The following ROR2 variants were observed in gnomAD, a reference collection of about 807,000 sequenced individuals.
ROR2 encodes the protein tyrosine-protein kinase transmembrane receptor ROR2.
Under a neutral mutation model 74.9 loss-of-function variants are expected in ROR2, and 33 were observed. The observed-to-expected ratio is 0.44, with a 90% CI of 0.33 to 0.59. The LOEUF is 0.59. ROR2 is among the 20% of genes least tolerant of loss of function. The pLI is 0.02. For synonymous variants in ROR2, 586 were observed against 558.7 expected (o/e 1.05, Z -0.69); for missense variants, 1,216 against 1,313.8 (o/e 0.93, Z 1.15).
chr9:91,933,294 C>T (rs760838481), intron 1 of ROR2, among the ~76,000 whole-genome samples: 7 of 152,032 alleles, frequency 4.6e-5, no homozygotes, highest in Admixed American at 2.6e-4. Flanking sequence ...CCAGCCTGGG[C>T]GACAGGGCCA....
intron 6 of ROR2, 23 bp from the exon 7 acceptor site, chr9:91,731,178 GAAAA>G: frequency 1.2e-6 from 2 of 1,613,674 alleles, no homozygotes; most frequent in Non-Finnish European, 1.7e-6. Context: ...AACACGTTAG[GAAAA>G]CCTCCGGGGT....
chr9:91,944,476 T>A (rs1288672560), intron 1 of ROR2, among the ~76,000 whole-genome samples: 3 of 152,172 alleles, frequency 2.0e-5, no homozygotes, highest in African/African-American at 7.2e-5. Flanking sequence ...GAATAAGAGC[T>A]ACAAAAATGC....
chr9:91,757,530 T>C lies in ROR2; in HGVS notation c.205A>G (p.Asn69Asp), dbSNP rs1825797691. The change falls in exon 3 of 9, where the codon AAC (asparagine) becomes GAC (aspartate). Residue 69 changes from asparagine (N) to aspartate (D), a missense_variant. Physicochemically the swap from Asn to Asp is conservative, Grantham distance 23 (BLOSUM62 1). Coordinates refer to ENST00000375708, the MANE Select transcript of ROR2 (RefSeq NM_004560.4). ...GYFLNFLEPV[N>D]NITIVQGQTA... ...TGGCCTTGGACAATGGTGATATTGT[T>C]TACTGGCTCCAGAAAATTCAGAAAG... The C allele has an allele frequency of 6.2e-7, 1 of 1,613,522 alleles. No homozygotes were observed. The highest frequency in any genetic ancestry group is 8.5e-7 in the Non-Finnish European group (1 of 1,179,962).
At position 91,730,914 on chromosome 9, in the gene ROR2, C is replaced by A. The variant is rs541919641; in HGVS notation, c.1179G>T (p.Ser393=). The A allele has an allele frequency of 1.4e-5, 22 of 1,614,044 alleles. 1 individual carries two copies. Among genetic ancestry groups the A allele is most frequent in the Non-Finnish European group, 1.7e-5 (20 of 1,180,048 alleles). The stretch of plus-strand genomic sequence containing the variant: ...AAAGAGAGAGAGAATACATACTACA[C>A]GAGGGTACGTCACACAGTTCCATGC... ...NVRMELCDVP[S]CSPRDSSKMG... The change falls in exon 7 of 9, where the codon TCG becomes TCT. Residue 393 remains serine (S), a synonymous_variant. Transcript: ENST00000375708.
intron 1 of ROR2, among the ~76,000 whole-genome samples, chr9:91,895,787 T>C (rs1830522893): frequency 1.3e-5 from 2 of 152,142 alleles, no homozygotes; most frequent in Non-Finnish European, 2.9e-5. Flanking sequence ...GCGGTTGCAG[T>C]GAGCCGAGAT....
chr9:91,844,671 T>C (rs1035917944), intron 1 of ROR2, among the ~76,000 whole-genome samples: 2 of 152,166 alleles, frequency 1.3e-5, no homozygotes, highest in African/African-American at 4.8e-5. Flanking sequence ...CCAGCCCCCA[T>C]ACTGGCGGGA....
chr9:91,949,366 G>T (rs987663539), intron 1 of ROR2, among the ~76,000 whole-genome samples: 3 of 151,210 alleles, frequency 2.0e-5, no homozygotes, highest in African/African-American at 4.9e-5. Flanking sequence ...CCGCTTCTCC[G>T]GGGCCACGTC....
intron 1 of ROR2, among the ~76,000 whole-genome samples, chr9:91,945,421 C>A (rs1484421640): frequency 1.3e-5 from 2 of 152,142 alleles, no homozygotes; most frequent in Non-Finnish European, 2.9e-5. Context: ...TAGGGGAACC[C>A]TCCCCCACTC....
At chr9:91,795,167 T>C (rs766260848) in intron 1 of ROR2, among the ~76,000 whole-genome samples, 7 of 152,208 alleles carry the variant, frequency 4.6e-5, no homozygotes, top group Non-Finnish European at 8.8e-5. Context: ...ATCAACTGCA[T>C]GAAACTATAT....
At chr9:91,781,302 T>A (rs1826612266) in intron 1 of ROR2, among the ~76,000 whole-genome samples, 1 of 152,212 alleles carries the variant, frequency 6.6e-6, no homozygotes, top group Non-Finnish European at 1.5e-5. Context: ...GATTTCACAA[T>A]GAGCTACGCT....
chr9:91,794,021 C>T (rs1827092318), intron 1 of ROR2, among the ~76,000 whole-genome samples: 1 of 152,202 alleles, frequency 6.6e-6, no homozygotes. Flanking sequence ...GTTCCACAGC[C>T]AGGAATTTAT....
intron 1 of ROR2, among the ~76,000 whole-genome samples, chr9:91,948,086 T>C (rs1013001658): frequency 2.6e-5 from 4 of 152,224 alleles, no homozygotes; most frequent in Non-Finnish European, 5.9e-5. Context: ...CTGGAAACTA[T>C]GAGTGTTTAA....
At chr9:91,751,328 C>T (rs2118815287) in intron 4 of ROR2, among the ~76,000 whole-genome samples, 1 of 152,220 alleles carries the variant, frequency 6.6e-6, no homozygotes, top group South Asian at 2.1e-4. Context: ...CCACATCAAC[C>T]TCCCAAAAAA....
intron 1 of ROR2, among the ~76,000 whole-genome samples, chr9:91,926,423 A>G (rs6479384): frequency 0.37 from 55,482 of 149,698 alleles, 11,262 homozygotes; most frequent in African/African-American, 0.54. Flanking sequence ...GCACATGCCT[A>G]TAACGCCAGC....
In ROR2 at chr9:91,783,423, AAGT is replaced by A. The variant is rs542969637; in HGVS notation, c.98-7608_98-7606del. On this transcript the variant is annotated intron_variant, in intron 1 of 8. Coordinates refer to ENST00000375708, the MANE Select transcript of ROR2 (RefSeq NM_004560.4). ...AAGGGATGGATAGGCTCTCTGGGCT[AAGT>A]ACAGGTGTGCTGGGACTGCTCGCAT... Among the ~76,000 whole-genome samples the A allele has an allele frequency of 7.2e-5, 11 of 152,294 alleles. No individual in the cohort carries two copies. In the South Asian group the frequency reaches 2.3e-3, roughly 32 times the overall value.
chr9:91,752,021 A>G (rs1825609408), intron 4 of ROR2, among the ~76,000 whole-genome samples: 1 of 152,190 alleles, frequency 6.6e-6, no homozygotes, highest in African/African-American at 2.4e-5. Context: ...CTTTTTCAAG[A>G]GGCTGGAATG....
At chr9:91,929,411 G>A (rs760730606) in intron 1 of ROR2, among the ~76,000 whole-genome samples, 1 of 152,148 alleles carries the variant, frequency 6.6e-6, no homozygotes, top group South Asian at 2.1e-4. Context: ...CAGCATGGAC[G>A]CCCTTGCAGC....
At chr9:91,757,189 T>C (rs2118847568) in intron 3 of ROR2, 83 bp downstream of exon 3, 1 of 1,574,544 alleles carries the variant, frequency 6.4e-7, no homozygotes, top group Non-Finnish European at 8.7e-7. Context: ...GTGTGTTCAG[T>C]TTCAAATAGC....
At chr9:91,775,914 C>T (rs1248908736) in intron 1 of ROR2, 96 bp from the exon 2 acceptor site, 5 of 971,596 alleles carry the variant, frequency 5.1e-6, no homozygotes, top group Non-Finnish European at 8.1e-6. Flanking sequence ...TCTAGCAAAA[C>T]TACCCAGTAT....
Sources: allele counts gnomAD v4.1 joint callset (sites outside exome capture counted in the v4.1 genomes callset), GRCh38; gene constraint gnomAD v4.1.1; transcripts MANE v1.5; gene names NCBI Gene and HGNC (gene_info 2026-07-23, HGNC 2026-07-21).